The following RAPGEF4 variants were observed in gnomAD, a reference collection of about 807,000 sequenced individuals.
RAPGEF4 encodes Rap guanine nucleotide exchange factor 4, also known as RAP guanine-nucleotide-exchange factor (GEF) 4.
In RAPGEF4, 66 loss-of-function variants were observed where a neutral mutation model predicts 147.9. That is an observed-to-expected ratio of 0.45 (90% CI 0.37 to 0.55). RAPGEF4 has a LOEUF of 0.55. RAPGEF4 is among the 20% of genes least tolerant of loss of function. The probability of loss-of-function intolerance (pLI) is 0.00; values close to 1 mark genes in which losing one functional copy is unlikely to be tolerated. For synonymous variants in RAPGEF4, 419 were observed against 442.7 expected, an observed-to-expected ratio of 0.95 and a Z score of 0.67; for missense variants, 1,071 against 1,257.3, an observed-to-expected ratio of 0.85 and a Z score of 2.24.
chr2:172,776,457 C>A (rs543774010), intron 1 of RAPGEF4, among the ~76,000 whole-genome samples: 1 of 152,026 alleles, frequency 6.6e-6, no homozygotes, highest in Non-Finnish European at 1.5e-5. Flanking sequence ...GACTTTTGGG[C>A]GTATTTACTG....
chr2:172,780,674 T>C (rs1429164108), intron 1 of RAPGEF4, among the ~76,000 whole-genome samples: 1 of 152,226 alleles, frequency 6.6e-6, no homozygotes, highest in Non-Finnish European at 1.5e-5. Flanking sequence ...ATACCTTGGA[T>C]TGATAGCGCT....
chr2:172,997,372 A>T (rs1366534813), intron 16 of RAPGEF4, among the ~76,000 whole-genome samples: 1 of 152,158 alleles, frequency 6.6e-6, no homozygotes, highest in Non-Finnish European at 1.5e-5. Context: ...TAAGGACCTC[A>T]CCTTAACTTG....
intron 4 of RAPGEF4, among the ~76,000 whole-genome samples, chr2:172,869,476 G>A (rs1694984412): frequency 6.6e-6 from 1 of 152,168 alleles, no homozygotes; most frequent in Non-Finnish European, 1.5e-5. Flanking sequence ...CTTGCATGGA[G>A]TTAATGGTAA....
intron 4 of RAPGEF4, among the ~76,000 whole-genome samples, chr2:172,862,167 A>G (rs1694123255): frequency 6.6e-6 from 1 of 152,206 alleles, no homozygotes; most frequent in South Asian, 2.1e-4. Context: ...TAACTAAAGG[A>G]CATATGGAAA....
intron 4 of RAPGEF4, among the ~76,000 whole-genome samples, chr2:172,846,346 G>A (rs72900248): frequency 0.016 from 2,462 of 152,134 alleles, 23 homozygotes; most frequent in South Asian, 0.034. Flanking sequence ...ATGACATGTC[G>A]TCTTGCATCT....
chr2:172,763,125 G>C (rs1050740874), intron 1 of RAPGEF4, among the ~76,000 whole-genome samples: 1 of 152,352 alleles, frequency 6.6e-6, no homozygotes, highest in East Asian at 1.9e-4. Flanking sequence ...AACTCTGGCA[G>C]AATATGAAGC....
At chr2:173,026,962 T>A (rs909544316) in intron 24 of RAPGEF4, 119 bp from the exon 25 acceptor site, 16 of 969,804 alleles carry the variant, frequency 1.6e-5, no homozygotes, top group Non-Finnish European at 2.4e-5. Flanking sequence ...TGGAAGCCCT[T>A]CAAGTCTGAT....
intron 4 of RAPGEF4, among the ~76,000 whole-genome samples, chr2:172,853,756 A>G (rs1693116447): frequency 1.3e-5 from 2 of 152,014 alleles, no homozygotes; most frequent in Admixed American, 1.3e-4. Flanking sequence ...AGTTCAAAAT[A>G]CTGTGTATTT....
intron 1 of RAPGEF4, among the ~76,000 whole-genome samples, chr2:172,757,298 A>G (rs1428377215): frequency 6.6e-6 from 1 of 152,270 alleles, no homozygotes; most frequent in Non-Finnish European, 1.5e-5. Flanking sequence ...TCTAAAGCAT[A>G]CTGAGTATCA....
intron 10 of RAPGEF4, among the ~76,000 whole-genome samples, chr2:172,969,512 G>A (rs1262295573): frequency 6.6e-6 from 1 of 152,200 alleles, no homozygotes; most frequent in Non-Finnish European, 1.5e-5. Context: ...GTAAACCTTT[G>A]CTGAGTGAGT....
At chr2:172,766,654 G>A (rs1305764060) in intron 1 of RAPGEF4, among the ~76,000 whole-genome samples, 1 of 152,134 alleles carries the variant, frequency 6.6e-6, no homozygotes. Context: ...CTGGGGCCTC[G>A]TTATGTTCCC....
At chr2:172,758,892 G>T (rs903492724) in intron 1 of RAPGEF4, among the ~76,000 whole-genome samples, 1 of 152,160 alleles carries the variant, frequency 6.6e-6, no homozygotes, top group African/African-American at 2.4e-5. Context: ...TTAATACATA[G>T]ATGACACTTA....
At chr2:172,756,957 C>T (rs1325143538) in intron 1 of RAPGEF4, among the ~76,000 whole-genome samples, 5 of 152,190 alleles carry the variant, frequency 3.3e-5, no homozygotes, top group Admixed American at 6.5e-5. Context: ...ATGCACCTAT[C>T]GGGGATGGAC....
chr2:172,842,662 A>G (rs1181746336), intron 4 of RAPGEF4, among the ~76,000 whole-genome samples: 2 of 152,238 alleles, frequency 1.3e-5, no homozygotes, highest in African/African-American at 4.8e-5. Flanking sequence ...CCTCCCAGCA[A>G]GAGGCTTCAT....
At chr2:172,933,150 G>A (rs909787416) in intron 6 of RAPGEF4, among the ~76,000 whole-genome samples, 3 of 152,060 alleles carry the variant, frequency 2.0e-5, no homozygotes, top group Non-Finnish European at 4.4e-5. Flanking sequence ...AGGAAGCTGG[G>A]GATGGAAGTA....
chr2:172,983,508 G>T lies in RAPGEF4; in HGVS notation c.1017G>T (p.Arg339Ser). 1 of 1,611,630 alleles carries T rather than the reference G, an allele frequency of 6.2e-7. No homozygotes were observed. The change falls in exon 11 of 31, where the codon AGG (arginine) becomes AGT (serine). Residue 339 changes from arginine to serine, a missense_variant. By Grantham distance (110) the Arg-to-Ser change is moderately radical (BLOSUM62 -1). Coordinates refer to ENST00000397081, the MANE Select transcript of RAPGEF4 (RefSeq NM_007023.4). The stretch of plus-strand genomic sequence containing the variant: ...TTTATCTTTGTAGACCTGGCCAGAG[G>T]ACTGTGGATGACCTAGAGATTATCT... ...RMILRKPPGQ[R>S]TVDDLEIIYE...
At chr2:172,991,010 C>CT in intron 15 of RAPGEF4, 85 bp downstream of exon 15, 2 of 1,048,182 alleles carry the variant, frequency 1.9e-6, no homozygotes, top group Non-Finnish European at 1.4e-6. Flanking sequence ...GCATGTTCTC[C>CT]TTTTTTGTGG....
At chr2:172,870,693 G>C (rs1312437551) in intron 4 of RAPGEF4, among the ~76,000 whole-genome samples, 1 of 152,086 alleles carries the variant, frequency 6.6e-6, no homozygotes, top group East Asian at 1.9e-4. Flanking sequence ...GAGATATGCT[G>C]CTGTGTGCAT....
intron 4 of RAPGEF4, among the ~76,000 whole-genome samples, chr2:172,856,792 A>G (rs948052418): frequency 1.3e-5 from 2 of 151,636 alleles, no homozygotes; most frequent in East Asian, 3.9e-4. Context: ...TTCCTCCTTT[A>G]TTTTCTAGCT....
Sources: allele counts gnomAD v4.1 joint callset (sites outside exome capture counted in the v4.1 genomes callset), GRCh38; gene constraint gnomAD v4.1.1; transcripts MANE v1.5; gene names NCBI Gene and HGNC (gene_info 2026-07-23, HGNC 2026-07-21).